Variants in ABCA13 observed in about 807,000 individuals in gnomAD.
ABCA13 encodes ATP-binding cassette sub-family A member 13.
In ABCA13, 476 loss-of-function variants were observed where a neutral mutation model predicts 478.7. The ratio of observed to expected loss-of-function variants is 0.99; its 90% CI spans 0.92 to 1.07. The LOEUF is 1.07. Among genes scored for constraint, ABCA13 ranks in the 50% least tolerant of loss-of-function variants. ABCA13 has a pLI of 0.00. For synonymous variants in ABCA13, 2,252 were observed against 2,158.9 expected (o/e 1.04, Z -1.20); for missense variants, 6,060 against 5,910.6 (o/e 1.03, Z -0.83).
chr7:48,413,330 TC>T (rs942712917), intron 41 of ABCA13, among the ~76,000 whole-genome samples: 16 of 152,258 alleles, frequency 1.1e-4, no homozygotes, highest in Non-Finnish European at 2.2e-4. Context: ...TGAGCTCCCA[TC>T]CCCCAGGTCC....
intron 1 of ABCA13, among the ~76,000 whole-genome samples, chr7:48,173,459 T>C (rs970017307): frequency 2.3e-4 from 35 of 152,256 alleles, no homozygotes; most frequent in African/African-American, 8.2e-4. Context: ...ATCTCTGTTA[T>C]GTGCCAGATA....
intron 48 of ABCA13, among the ~76,000 whole-genome samples, chr7:48,493,048 A>G (rs866319694): frequency 2.0e-5 from 3 of 152,132 alleles, no homozygotes; most frequent in African/African-American, 7.2e-5. Context: ...CAGGTATTCT[A>G]TTATAGCAAC....
At chr7:48,516,914 C>G in intron 52 of ABCA13, 33 bp downstream of exon 52, 1 of 1,598,982 alleles carries the variant, frequency 6.3e-7, no homozygotes, top group Non-Finnish European at 8.5e-7. Context: ...CTCTACACTT[C>G]TGCACCTCTA....
chr7:48,530,496 G>A (rs1445898958), intron 55 of ABCA13, among the ~76,000 whole-genome samples: 1 of 151,920 alleles, frequency 6.6e-6, no homozygotes, highest in African/African-American at 2.4e-5. Context: ...TTTCCTTTGG[G>A]TAGATACCTA....
chr7:48,236,093 T>C (rs1006780619), intron 8 of ABCA13, among the ~76,000 whole-genome samples: 2 of 152,140 alleles, frequency 1.3e-5, no homozygotes, highest in Non-Finnish European at 2.9e-5. Context: ...GGATCACCTG[T>C]ATTTTAAGGA....
intron 35 of ABCA13, among the ~76,000 whole-genome samples, chr7:48,381,767 G>A (rs549681425): frequency 1.3e-5 from 2 of 152,352 alleles, no homozygotes; most frequent in South Asian, 4.1e-4. Flanking sequence ...CCAGCAGGCA[G>A]TTCCCCTTGA....
Position 48,613,962 on chromosome 7 carries a change from GTAT to G in ABCA13, c.14745-1319_14745-1317del, listed in dbSNP as rs753742925. ...ATTACACATTAAAATGTTATTTATG[GTAT>G]TATATTTTATATTATGCACCATATT... On this transcript the variant is annotated intron_variant, in intron 58 of 61. Coordinates refer to ENST00000435803, the MANE Select transcript of ABCA13 (RefSeq NM_152701.5). 1.5e-4 allele frequency among the ~76,000 whole-genome samples: 22 copies of G among 146,524 alleles called. 1 individual carries two copies. Among genetic ancestry groups the G allele is most frequent in the Non-Finnish European group, 2.1e-4 (14 of 66,536 alleles).
intron 3 of ABCA13, among the ~76,000 whole-genome samples, chr7:48,200,392 T>C (rs1562761943): frequency 6.6e-6 from 1 of 152,144 alleles, no homozygotes; most frequent in Admixed American, 6.5e-5. Flanking sequence ...CCCAAATTAC[T>C]TGATATCAGG....
chr7:48,235,539 A>G (rs1237776398), intron 8 of ABCA13, among the ~76,000 whole-genome samples: 2 of 152,224 alleles, frequency 1.3e-5, no homozygotes, highest in Non-Finnish European at 1.5e-5. Flanking sequence ...CCCCCAACAT[A>G]GTGCCTTAAG....
At chr7:48,342,329 A>G (rs1386676365) in intron 29 of ABCA13, among the ~76,000 whole-genome samples, 1 of 151,954 alleles carries the variant, frequency 6.6e-6, no homozygotes, top group Non-Finnish European at 1.5e-5. Context: ...AGCTCTTAAG[A>G]GGTGTGTGTT....
intron 55 of ABCA13, among the ~76,000 whole-genome samples, chr7:48,551,127 GT>G (rs1323395283): frequency 1.4e-5 from 2 of 146,990 alleles, no homozygotes; most frequent in Non-Finnish European, 3.0e-5. Context: ...ATTTTCTGGA[GT>G]TTTTTGTTTG....
At chr7:48,183,189 C>G (rs529042238) in intron 1 of ABCA13, among the ~76,000 whole-genome samples, 7 of 152,268 alleles carry the variant, frequency 4.6e-5, no homozygotes, top group Admixed American at 2.0e-4. Flanking sequence ...CTCTTTCTTT[C>G]TTATTCATTT....
intron 3 of ABCA13, among the ~76,000 whole-genome samples, chr7:48,205,419 T>C (rs1413986856): frequency 6.6e-6 from 1 of 152,244 alleles, no homozygotes; most frequent in Non-Finnish European, 1.5e-5. Context: ...AATTAAGTTT[T>C]TGTATGTGGT....
chr7:48,429,805 C>T (rs1286044986), intron 42 of ABCA13, among the ~76,000 whole-genome samples: 1 of 152,126 alleles, frequency 6.6e-6, no homozygotes, highest in Non-Finnish European at 1.5e-5. Flanking sequence ...TTCTCTGCAT[C>T]TATTGAGATG....
chr7:48,628,736 A>G (rs1793893338), intron 59 of ABCA13, among the ~76,000 whole-genome samples: 1 of 152,204 alleles, frequency 6.6e-6, no homozygotes, highest in African/African-American at 2.4e-5. Flanking sequence ...TATCCTTACC[A>G]TTTGAAATAG....
At chr7:48,208,863 G>C (rs1210491686) in intron 3 of ABCA13, among the ~76,000 whole-genome samples, 20 of 152,056 alleles carry the variant, frequency 1.3e-4, no homozygotes, top group Admixed American at 1.3e-3. Context: ...AGTAGTGAAA[G>C]TGGGCATTCC....
chr7:48,248,591 T>C lies in ABCA13; in HGVS notation c.1865+147T>C, dbSNP rs188152210. ...ATTTATTTTAAAAATATTAACCTAC[T>C]GGTACTGTTGGAAAGCATCTAATAA... On this transcript the variant is annotated intron_variant, in intron 14 of 61. Transcript: ENST00000435803. 82 of 658,618 alleles carry C rather than the reference T, an allele frequency of 1.2e-4. No homozygotes were observed. In the East Asian group the frequency reaches 1.7e-3, roughly 14 times the overall value. The allele number at this position is 658,618 out of a possible 1,614,324, so 40.8% of individuals were successfully genotyped here. A position where few individuals can be genotyped will look rare whatever the true frequency, so the allele number is the denominator to read the frequency against.
At chr7:48,286,703 C>T (rs1797805876) in intron 19 of ABCA13, among the ~76,000 whole-genome samples, 1 of 152,072 alleles carries the variant, frequency 6.6e-6, no homozygotes. Flanking sequence ...CGGGGTTTTA[C>T]CACATTGGCC....
intron 48 of ABCA13, among the ~76,000 whole-genome samples, chr7:48,505,703 C>A (rs550270837): frequency 3.9e-5 from 6 of 152,166 alleles, no homozygotes; most frequent in Non-Finnish European, 8.8e-5. Context: ...CTTCTTAACA[C>A]AATATTGACT....
Sources: allele counts gnomAD v4.1 joint callset (sites outside exome capture counted in the v4.1 genomes callset), GRCh38; gene constraint gnomAD v4.1.1; transcripts MANE v1.5; gene names NCBI Gene and HGNC (gene_info 2026-07-23, HGNC 2026-07-21).